Variants in NR2F1-AS1 observed in about 807,000 individuals in gnomAD.
The protein encoded by NR2F1-AS1 is NR2F1 antisense RNA 1.
chr5:93,542,413 T>C (rs918823273), intron 4 of NR2F1-AS1: 7 of 152,212 alleles, frequency 4.6e-5, no homozygotes, highest in African/African-American at 1.4e-4. Context: ...CTGTGCATTA[T>C]AGTAAGATCA....
intron 4 of NR2F1-AS1, among the ~76,000 whole-genome samples, chr5:93,475,759 CCTTT>C (rs1342904140): frequency 2.6e-5 from 4 of 152,166 alleles, no homozygotes; most frequent in Non-Finnish European, 5.9e-5. Context: ...TAATTTTCTT[CCTTT>C]AATTTTGAGC....
chr5:93,513,604 G>A (rs1751344997), intron 4 of NR2F1-AS1, among the ~76,000 whole-genome samples: 1 of 152,018 alleles, frequency 6.6e-6, no homozygotes, highest in Admixed American at 6.6e-5. Flanking sequence ...GCTAAACAAT[G>A]GGTACTCATG....
chr5:93,432,732 C>T (rs182973081), intron 4 of NR2F1-AS1, among the ~76,000 whole-genome samples: 1 of 152,290 alleles, frequency 6.6e-6, no homozygotes, highest in Admixed American at 6.5e-5. Flanking sequence ...TGTACGCTGC[C>T]TACAATTATA....
intron 4 of NR2F1-AS1, among the ~76,000 whole-genome samples, chr5:93,510,380 T>C (rs569928231): frequency 2.5e-4 from 38 of 152,162 alleles, no homozygotes; most frequent in Non-Finnish European, 4.1e-4. Flanking sequence ...TGTATCAAAG[T>C]GTCAAAACTC....
intron 4 of NR2F1-AS1, among the ~76,000 whole-genome samples, chr5:93,524,770 G>A (rs368546027): frequency 3.7e-4 from 57 of 152,220 alleles, no homozygotes; most frequent in East Asian, 2.1e-3. Context: ...CTTCATAAGC[G>A]AGGGAGAAAT....
intron 4 of NR2F1-AS1, among the ~76,000 whole-genome samples, chr5:93,500,222 G>A (rs1390766183): frequency 6.6e-6 from 1 of 152,178 alleles, no homozygotes; most frequent in African/African-American, 2.4e-5. Flanking sequence ...TAGAGGAGAG[G>A]TCAATGCCTG....
intron 4 of NR2F1-AS1, among the ~76,000 whole-genome samples, chr5:93,522,415 T>C (rs1751520835): frequency 6.6e-6 from 1 of 152,188 alleles, no homozygotes; most frequent in Non-Finnish European, 1.5e-5. Context: ...TGTTTGTTGA[T>C]AAATTTAAAG....
intron 1 of NR2F1-AS1, among the ~76,000 whole-genome samples, chr5:93,569,038 A>G (rs916053882): frequency 5.9e-5 from 9 of 152,146 alleles, no homozygotes; most frequent in Admixed American, 2.0e-4. Flanking sequence ...GGTACACCTT[A>G]AAAATTAGGA....
chr5:93,513,766 C>T lies in NR2F1-AS1; in HGVS notation n.638+39995G>A, dbSNP rs60401249. ...CCAAACCTCAGCATCATGCAATAAA[C>T]CCAGGTAACAAACTTGCACATGTAA... On this transcript the variant is annotated intron_variant and non_coding_transcript_variant, in intron 4 of 5. Coordinates refer to ENST00000660523, the Ensembl canonical transcript of NR2F1-AS1. Among the ~76,000 whole-genome samples the T allele has an allele frequency of 7.5e-4, 114 of 152,096 alleles. 3 individuals are homozygous for T. In the South Asian group the frequency reaches 0.023, roughly 30 times the overall value.
At chr5:93,488,810 G>A (rs1750778442) in intron 4 of NR2F1-AS1, among the ~76,000 whole-genome samples, 1 of 152,142 alleles carries the variant, frequency 6.6e-6, no homozygotes, top group Non-Finnish European at 1.5e-5. Context: ...TATGTTTATT[G>A]CAGCATTGTT....
chr5:93,471,664 G>A (rs1025607689), intron 4 of NR2F1-AS1, among the ~76,000 whole-genome samples: 1 of 151,708 alleles, frequency 6.6e-6, no homozygotes, highest in Non-Finnish European at 1.5e-5. Context: ...CACTGAACTA[G>A]TATAAACAAA....
intron 1 of NR2F1-AS1, among the ~76,000 whole-genome samples, chr5:93,569,361 A>C (rs1752691003): frequency 6.6e-6 from 1 of 152,328 alleles, no homozygotes; most frequent in Non-Finnish European, 1.5e-5. Flanking sequence ...AATCCACAAA[A>C]GTTGCTGAAA....
chr5:93,559,673 C>A (rs987768489), intron 2 of NR2F1-AS1, among the ~76,000 whole-genome samples: 7 of 152,184 alleles, frequency 4.6e-5, no homozygotes, highest in Admixed American at 2.6e-4. Context: ...TGGCACAACA[C>A]TTTCAATCTT....
At chr5:93,480,943 T>C (rs898596665) in intron 4 of NR2F1-AS1, among the ~76,000 whole-genome samples, 4 of 151,904 alleles carry the variant, frequency 2.6e-5, no homozygotes, top group East Asian at 3.9e-4. Flanking sequence ...GGAGGCAATA[T>C]TGGAGAAATT....
chr5:93,470,404 A>T lies in NR2F1-AS1; in HGVS notation n.639-74862T>A, dbSNP rs73133241. Among the ~76,000 whole-genome samples the T allele has an allele frequency of 5.8e-3, 878 of 151,966 alleles. 5 individuals are homozygous for T. Among genetic ancestry groups the T allele is most frequent in the African/African-American group, 0.021 (854 of 41,498 alleles). On this transcript the variant is annotated intron_variant and non_coding_transcript_variant, in intron 4 of 5. Coordinates refer to ENST00000660523, the Ensembl canonical transcript of NR2F1-AS1. ...CTAAACAAAATCATATTTCTCTGTG[A>T]CTAATAAAAGACCCATTGCACAGGA...
chr5:93,474,257 A>G (rs1750433322), intron 4 of NR2F1-AS1, among the ~76,000 whole-genome samples: 1 of 152,220 alleles, frequency 6.6e-6, no homozygotes, highest in Non-Finnish European at 1.5e-5. Context: ...AAGGCTTAAG[A>G]AAAAGAATTG....
intron 4 of NR2F1-AS1, among the ~76,000 whole-genome samples, chr5:93,412,340 G>A (rs192614480): frequency 2.7e-4 from 41 of 152,166 alleles, no homozygotes; most frequent in Non-Finnish European, 5.0e-4. Context: ...TACCACCTCT[G>A]GGCCTCCACC....
intron 4 of NR2F1-AS1, among the ~76,000 whole-genome samples, chr5:93,418,178 A>G (rs774870214): frequency 2.6e-5 from 4 of 152,110 alleles, no homozygotes; most frequent in Non-Finnish European, 4.4e-5. Context: ...CAGACTCTCA[A>G]TAGGTCACCT....
At chr5:93,544,790 T>C (rs1016577721) in intron 4 of NR2F1-AS1, 16 of 151,778 alleles carry the variant, frequency 1.1e-4, no homozygotes, top group African/African-American at 3.9e-4. Flanking sequence ...GGCGTGGTGG[T>C]GCACCTGTAA....
Sources: allele counts gnomAD v4.1 joint callset (sites outside exome capture counted in the v4.1 genomes callset), GRCh38; gene constraint gnomAD v4.1.1; transcripts MANE v1.5; gene names NCBI Gene and HGNC (gene_info 2026-07-23, HGNC 2026-07-21).